Variants in SAMD12 observed in about 807,000 individuals in gnomAD.
The protein encoded by SAMD12 is sterile alpha motif domain containing 12.
In SAMD12, 9 loss-of-function variants were observed where a neutral mutation model predicts 15.0. The ratio of observed to expected loss-of-function variants is 0.60; its 90% CI spans 0.36 to 1.05. The LOEUF (loss-of-function observed/expected upper bound fraction) is 1.05. Ranked by LOEUF, SAMD12 falls within the 50% of genes least tolerant of loss-of-function variation. The pLI is 0.01. For missense variants in SAMD12, 230 were observed against 234.2 expected (o/e 0.98, Z 0.12); for synonymous variants, 86 against 90.1 (o/e 0.96, Z 0.25).
intron 2 of SAMD12, among the ~76,000 whole-genome samples, chr8:118,523,759 G>T (rs1825454804): frequency 1.3e-5 from 2 of 152,058 alleles, no homozygotes; most frequent in Non-Finnish European, 2.9e-5. Flanking sequence ...AATCACTCAT[G>T]GTCCCTTCTG....
chr8:118,618,087 A>C lies in SAMD12; in HGVS notation c.13+3717T>G, dbSNP rs191934122. On this transcript the variant is annotated intron_variant, in intron 1 of 3. Transcript: ENST00000314727. ...CAGTATAATCCTAATCCAAATGCAGACCATAAGGTCGTACCCTGTTCTGTG... is the reference window on the plus strand; with the variant it reads ...CAGTATAATCCTAATCCAAATGCAGCCCATAAGGTCGTACCCTGTTCTGTG... 2.6e-5 allele frequency among the ~76,000 whole-genome samples: 4 copies of C among 151,904 alleles called. No homozygotes were observed. In the East Asian group the frequency reaches 7.7e-4, roughly 29 times the overall value.
intron 4 of SAMD12, among the ~76,000 whole-genome samples, chr8:118,342,722 C>T (rs143879857): frequency 1.3e-5 from 2 of 152,336 alleles, no homozygotes; most frequent in East Asian, 3.9e-4. Flanking sequence ...GATAGAATCA[C>T]CTTCTGACTC....
In SAMD12 at chr8:118,604,774, T is replaced by C. The variant is rs527851012; in HGVS notation, c.13+17030A>G. Among the ~76,000 whole-genome samples, 169 of 150,646 alleles carry C rather than the reference T, an allele frequency of 1.1e-3. 3 individuals carry two copies. In the East Asian group the frequency reaches 0.022, roughly 20 times the overall value. ...GTCTCTACTAAAAATAAAAAAAAAT[T>C]AGGGGGGCGTGGTGGCGGGAGCCTG... On this transcript the variant is annotated intron_variant, in intron 1 of 3. Coordinates refer to ENST00000314727, the MANE Select transcript of SAMD12 (RefSeq NM_207506.3).
downstream of SAMD12, among the ~76,000 whole-genome samples, chr8:118,375,348 T>C (rs1347245409): frequency 6.6e-6 from 1 of 152,184 alleles, no homozygotes; most frequent in Non-Finnish European, 1.5e-5. Flanking sequence ...TCCTCTCTTA[T>C]ACGCATATGT....
At position 118,379,655 on chromosome 8, in the gene SAMD12, C is replaced by G; in HGVS notation, c.368G>C (p.Gly123Ala). 1 of 1,613,848 alleles carries G rather than the reference C, an allele frequency of 6.2e-7. No homozygotes were observed. Among genetic ancestry groups the G allele is most frequent in the Non-Finnish European group, 8.5e-7 (1 of 1,179,824 alleles). ...RLTDKKLERM[G>A]IAQENLRQHI... is the part of the protein sequence containing the mutation. ...CTGCCGGAGGTTCTCCTGGGCAATC[C>G]CCATTCGCTCGAGCTTTTTGTCAGT... Residue 123 changes from glycine to alanine, a missense_variant, in exon 4 of 4, where the codon GGG becomes GCG. Gly to Ala is a moderately conservative substitution (Grantham distance 60). Transcript: ENST00000314727.
At chr8:118,440,479 T>C (rs987876990) in intron 2 of SAMD12, among the ~76,000 whole-genome samples, 1 of 152,070 alleles carries the variant, frequency 6.6e-6, no homozygotes, top group African/African-American at 2.4e-5. Context: ...GGACTTAGGG[T>C]GGCCCTGAAA....
intron 2 of SAMD12, among the ~76,000 whole-genome samples, chr8:118,580,466 G>C (rs1344050548): frequency 1.3e-5 from 2 of 152,136 alleles, no homozygotes; most frequent in African/African-American, 2.4e-5. Flanking sequence ...TTCAAGTCCA[G>C]GGCATTCTTC....
At chr8:118,521,262 C>T (rs1825381217) in intron 2 of SAMD12, among the ~76,000 whole-genome samples, 1 of 152,172 alleles carries the variant, frequency 6.6e-6, no homozygotes, top group Non-Finnish European at 1.5e-5. Flanking sequence ...TCACATTTCC[C>T]TTGATCCTCC....
chr8:118,486,347 T>C (rs745747871), intron 2 of SAMD12, among the ~76,000 whole-genome samples: 10 of 149,452 alleles, frequency 6.7e-5, no homozygotes, highest in South Asian at 6.4e-4. Context: ...ACCTGGGAGG[T>C]AGAGCTTGCA....
chr8:118,179,614 G>A, the SAMD12 span, among the ~76,000 whole-genome samples: 4 of 151,980 alleles, frequency 2.6e-5, no homozygotes, highest in Admixed American at 2.0e-4. Flanking sequence ...CTTTCCTCCT[G>A]GCCTCAGGTT....
intron 4 of SAMD12, among the ~76,000 whole-genome samples, chr8:118,199,162 C>A (rs2129764329): frequency 6.6e-6 from 1 of 152,024 alleles, no homozygotes; most frequent in South Asian, 2.1e-4. Flanking sequence ...AAATGAAGGC[C>A]CTAGAATTTT....
At chr8:118,377,018 A>G (rs1819422905), downstream of SAMD12, among the ~76,000 whole-genome samples, 1 of 152,060 alleles carries the variant, frequency 6.6e-6, no homozygotes, top group African/African-American at 2.4e-5. Context: ...CAACTTATCA[A>G]TTTTGTTTCC....
downstream of SAMD12, among the ~76,000 whole-genome samples, chr8:118,185,661 C>A (rs577053053): frequency 6.6e-6 from 1 of 152,276 alleles, no homozygotes; most frequent in Admixed American, 6.5e-5. Context: ...CCATCTATTC[C>A]AAACCCCTAA....
intron 4 of SAMD12, among the ~76,000 whole-genome samples, chr8:118,269,073 TATC>T (rs1376287594): frequency 6.6e-6 from 1 of 152,180 alleles, no homozygotes; most frequent in Admixed American, 6.5e-5. Flanking sequence ...TTAGCTCAGA[TATC>T]ATTATCTTGC....
Position 118,512,449 on chromosome 8 carries a change from A to G in SAMD12, c.192+68266T>C, listed in dbSNP as rs538103286. Among the ~76,000 whole-genome samples, 5 of 152,300 alleles carry G rather than the reference A, an allele frequency of 3.3e-5. No individual in the cohort carries two copies. In the East Asian group the frequency reaches 9.6e-4, roughly 29 times the overall value. The stretch of plus-strand genomic sequence containing the variant: ...GTTACTTTTATGACACTTACAGTTG[A>G]ACAAATTCTGAATAATTTGAACATA... On this transcript the variant is annotated intron_variant, in intron 2 of 3. Transcript: ENST00000314727.
the SAMD12 span, among the ~76,000 whole-genome samples, chr8:118,161,709 TTTA>T: frequency 0.72 from 108,683 of 149,950 alleles, 40,981 homozygotes; most frequent in Non-Finnish European, 0.83. Flanking sequence ...TAATAAATTA[TTTA>T]TTATTATTAT....
At chr8:118,189,995 A>AAATGAAT (rs1013529983) in exon 5 of SAMD12, 13 of 151,502 alleles carry the variant, frequency 8.6e-5, no homozygotes, top group Non-Finnish European at 1.6e-4. Context: ...CAGTTGTGGG[A>AAATGAAT]AATGAATACA....
chr8:118,295,516 G>A (rs1391664262), intron 4 of SAMD12, among the ~76,000 whole-genome samples: 1 of 152,002 alleles, frequency 6.6e-6, no homozygotes, highest in Non-Finnish European at 1.5e-5. Context: ...ATCAGATGCT[G>A]GAAACTCAAT....
intron 4 of SAMD12, among the ~76,000 whole-genome samples, chr8:118,367,371 A>G (rs1247018417): frequency 1.3e-5 from 2 of 152,198 alleles, no homozygotes; most frequent in African/African-American, 4.8e-5. Context: ...CCCATAGGAC[A>G]TTTGAACACC....
Sources: allele counts gnomAD v4.1 joint callset (sites outside exome capture counted in the v4.1 genomes callset), GRCh38; gene constraint gnomAD v4.1.1; transcripts MANE v1.5; gene names NCBI Gene and HGNC (gene_info 2026-07-23, HGNC 2026-07-21).